NAALADL2: variants seen among roughly 807,000 people sequenced by gnomAD.
The protein encoded by NAALADL2 is inactive N-acetylated-alpha-linked acidic dipeptidase-like protein 2.
NAALADL2 carries 76 observed loss-of-function variants against 87.2 expected under a neutral mutation model. The ratio of observed to expected loss-of-function variants is 0.87; its 90% CI spans 0.72 to 1.05. The LOEUF (loss-of-function observed/expected upper bound fraction) is 1.05, where lower values mean the gene tolerates loss of function less well. Among genes scored for constraint, NAALADL2 ranks in the 50% least tolerant of loss-of-function variants. The probability of loss-of-function intolerance (pLI) is 0.00; values close to 1 mark genes in which losing one functional copy is unlikely to be tolerated. For synonymous variants in NAALADL2, 354 were observed against 331.0 expected (o/e 1.07, Z -0.75); for missense variants, 1,089 against 945.8 (o/e 1.15, Z -1.99).
At chr3:174,841,852 A>T (rs1302806151) in intron 3 of NAALADL2, among the ~76,000 whole-genome samples, 3 of 152,142 alleles carry the variant, frequency 2.0e-5, no homozygotes, top group Admixed American at 6.5e-5. Flanking sequence ...CTATGCTTGC[A>T]TCAGGCAGTT....
At chr3:174,486,680 T>G (rs1381760472) in intron 1 of NAALADL2, among the ~76,000 whole-genome samples, 4 of 152,064 alleles carry the variant, frequency 2.6e-5, no homozygotes, top group African/African-American at 9.7e-5. Flanking sequence ...TTTGTTAGGA[T>G]GGAGTGGTGA....
intron 3 of NAALADL2, among the ~76,000 whole-genome samples, chr3:174,814,077 T>G (rs1241092552): frequency 6.6e-6 from 1 of 151,970 alleles, no homozygotes; most frequent in Non-Finnish European, 1.5e-5. Flanking sequence ...ACTGTCTGTT[T>G]AGGTAAATAT....
At chr3:174,859,066 G>A (rs148794296), upstream of NAALADL2, among the ~76,000 whole-genome samples, 1 of 152,208 alleles carries the variant, frequency 6.6e-6, no homozygotes, top group African/African-American at 2.4e-5. Flanking sequence ...GAAGCTTGGT[G>A]TACTGGTAAT....
chr3:175,143,018 T>C (rs1032067103), intron 2 of NAALADL2, among the ~76,000 whole-genome samples: 1 of 152,004 alleles, frequency 6.6e-6, no homozygotes, highest in African/African-American at 2.4e-5. Flanking sequence ...GGAAATAATA[T>C]TGGCCTTGGA....
chr3:175,462,647 A>G (rs1185606042), intron 6 of NAALADL2, among the ~76,000 whole-genome samples: 1 of 152,152 alleles, frequency 6.6e-6, no homozygotes, highest in Non-Finnish European at 1.5e-5. Flanking sequence ...ACCACTTCCC[A>G]ACCCAGACTT....
intron 1 of NAALADL2, among the ~76,000 whole-genome samples, chr3:174,905,628 A>G (rs1732869014): frequency 6.6e-6 from 1 of 152,052 alleles, no homozygotes; most frequent in South Asian, 2.1e-4. Flanking sequence ...TATTTCTTCC[A>G]TTTAACAAAG....
chr3:174,863,544 G>C (rs557048251), intron 1 of NAALADL2, among the ~76,000 whole-genome samples: 2 of 149,644 alleles, frequency 1.3e-5, no homozygotes, highest in Non-Finnish European at 3.0e-5. Context: ...TCATTGTTTA[G>C]AAATGGCACT....
At chr3:174,876,282 G>T (rs1000573039) in intron 1 of NAALADL2, among the ~76,000 whole-genome samples, 1 of 152,012 alleles carries the variant, frequency 6.6e-6, no homozygotes, top group Non-Finnish European at 1.5e-5. Flanking sequence ...GACAGGACCC[G>T]TTGAAAAAAC....
chr3:174,818,260 A>G (rs552423598), intron 3 of NAALADL2, among the ~76,000 whole-genome samples: 1 of 152,180 alleles, frequency 6.6e-6, no homozygotes, highest in South Asian at 2.1e-4. Context: ...AAGATGGTCA[A>G]ACATTCCTGG....
intron 10 of NAALADL2, among the ~76,000 whole-genome samples, chr3:175,622,653 A>T (rs1726392802): frequency 6.6e-6 from 1 of 152,160 alleles, no homozygotes; most frequent in Non-Finnish European, 1.5e-5. Context: ...CAGTCTTCTC[A>T]TCCATAAAGT....
chr3:175,481,661 G>A (rs994068064), intron 9 of NAALADL2, among the ~76,000 whole-genome samples: 1 of 151,910 alleles, frequency 6.6e-6, no homozygotes, highest in African/African-American at 2.4e-5. Flanking sequence ...GTTCAGGACA[G>A]CTTTATTCAT....
chr3:174,645,597 G>A (rs920186155), intron 2 of NAALADL2, among the ~76,000 whole-genome samples: 1 of 152,066 alleles, frequency 6.6e-6, no homozygotes, highest in Non-Finnish European at 1.5e-5. Context: ...TTTTTAATGT[G>A]CCCTACAGCA....
intron 3 of NAALADL2, among the ~76,000 whole-genome samples, chr3:174,743,664 C>G (rs1393356531): frequency 6.6e-6 from 1 of 151,616 alleles, no homozygotes; most frequent in Non-Finnish European, 1.5e-5. Flanking sequence ...CATTATTATC[C>G]TCAATGTATT....
At chr3:175,046,826 C>T (rs560676609) in intron 1 of NAALADL2, among the ~76,000 whole-genome samples, 180 of 152,260 alleles carry the variant, frequency 1.2e-3, no homozygotes, top group Middle Eastern at 3.4e-3. Flanking sequence ...TCCCTGCAAA[C>T]GTAGTGAAAG....
At chr3:174,660,626 G>A (rs934969050) in intron 2 of NAALADL2, among the ~76,000 whole-genome samples, 2 of 151,926 alleles carry the variant, frequency 1.3e-5, no homozygotes, top group Non-Finnish European at 2.9e-5. Flanking sequence ...AATTTTGAAA[G>A]TTAGTTATTG....
chr3:175,142,110 A>G (rs74713886), intron 2 of NAALADL2, among the ~76,000 whole-genome samples: 5,522 of 152,132 alleles, frequency 0.036, 261 homozygotes, highest in African/African-American at 0.11. Context: ...TTAAGCTCTC[A>G]GTACATGTTT....
chr3:175,741,239 G>A (rs1017157409), intron 12 of NAALADL2, among the ~76,000 whole-genome samples: 1 of 152,150 alleles, frequency 6.6e-6, no homozygotes, highest in African/African-American at 2.4e-5. Flanking sequence ...TGTTTGGTGA[G>A]GGTTCACTTC....
chr3:175,091,586 A>G (rs552279684), intron 1 of NAALADL2, among the ~76,000 whole-genome samples: 1 of 152,170 alleles, frequency 6.6e-6, no homozygotes, highest in South Asian at 2.1e-4. Flanking sequence ...GAGTTAAAAT[A>G]TTATCAGTAA....
In NAALADL2 at chr3:175,804,768, T is replaced by C. The variant is rs918647092; in HGVS notation, c.*1565T>C. 1.3e-5 allele frequency: 2 copies of C among 151,844 alleles called. No homozygotes were observed. The highest frequency in any genetic ancestry group is 4.8e-5 in the African/African-American group (2 of 41,400). 9.4% of individuals were successfully genotyped at this position (151,844 alleles called of 1,614,324 possible). ...TAATTAATCAATACTGATTAATTGATTTATAAGGTTCAACACTGTCTACCC... is the reference window on the plus strand; with the variant it reads ...TAATTAATCAATACTGATTAATTGACTTATAAGGTTCAACACTGTCTACCC... On this transcript the variant is annotated 3_prime_UTR_variant, in exon 14 of 14. Coordinates refer to ENST00000454872, the MANE Select transcript of NAALADL2 (RefSeq NM_207015.3).
Sources: allele counts gnomAD v4.1 joint callset (sites outside exome capture counted in the v4.1 genomes callset), GRCh38; gene constraint gnomAD v4.1.1; transcripts MANE v1.5; gene names NCBI Gene and HGNC (gene_info 2026-07-23, HGNC 2026-07-21).